Variants in MSH4 observed in about 807,000 individuals in gnomAD.
The protein encoded by MSH4 is mutS homolog 4.
MSH4 carries 106 observed loss-of-function variants against 113.7 expected under a neutral mutation model. The ratio of observed to expected loss-of-function variants is 0.93; its 90% CI spans 0.80 to 1.10. The LOEUF is 1.10. Ranked by LOEUF, MSH4 falls within the 50% of genes least tolerant of loss-of-function variation. The pLI, the probability that MSH4 is intolerant of heterozygous loss-of-function variation, is 0.00. For synonymous variants in MSH4, 368 were observed against 380.2 expected, an observed-to-expected ratio of 0.97 and a Z score of 0.37; for missense variants, 1,061 against 1,093.7, an observed-to-expected ratio of 0.97 and a Z score of 0.42.
Position 75,803,798 on chromosome 1 carries a change from A to G in MSH4, c.312A>G (p.Ala104=). ...NTVASNFTFG[A]SSSSARDTNY... ...TTGCATCAAATTTTACTTTTGGTGCAAGCTCATCTTCTGCACGAGATACTA... is the reference window on the plus strand; with the variant it reads ...TTGCATCAAATTTTACTTTTGGTGCGAGCTCATCTTCTGCACGAGATACTA... The change falls in exon 2 of 20, where the codon GCA becomes GCG. Residue 104 remains alanine (A), a synonymous_variant. Coordinates refer to ENST00000263187, the MANE Select transcript of MSH4 (RefSeq NM_002440.4). 2 of 1,607,706 alleles carry G rather than the reference A, an allele frequency of 1.2e-6. No homozygotes were observed. The highest frequency in any genetic ancestry group is 1.7e-6 in the Non-Finnish European group (2 of 1,177,810).
intron 7 of MSH4, among the ~76,000 whole-genome samples, chr1:75,835,297 C>A (rs983472185): frequency 6.6e-6 from 1 of 152,042 alleles, no homozygotes; most frequent in Non-Finnish European, 1.5e-5. Flanking sequence ...CCAGTATATT[C>A]TTTTTTAAAT....
intron 8 of MSH4, among the ~76,000 whole-genome samples, chr1:75,854,234 A>G (rs936855130): frequency 6.6e-6 from 1 of 151,658 alleles, no homozygotes; most frequent in African/African-American, 2.4e-5. Flanking sequence ...AGTCTTCATT[A>G]TTCTTAATAT....
chr1:75,894,725 G>C (rs1652333363), intron 17 of MSH4, among the ~76,000 whole-genome samples: 1 of 152,192 alleles, frequency 6.6e-6, no homozygotes, highest in Non-Finnish European at 1.5e-5. Flanking sequence ...ATGCAGTGCT[G>C]CAAAGGGCCT....
intron 19 of MSH4, among the ~76,000 whole-genome samples, chr1:75,899,991 A>G (rs1259728966): frequency 6.6e-6 from 1 of 151,848 alleles, no homozygotes; most frequent in Non-Finnish European, 1.5e-5. Flanking sequence ...TGATGAGGAA[A>G]TAAATCTATT....
chr1:75,876,461 A>G (rs1651819840), intron 9 of MSH4, among the ~76,000 whole-genome samples: 1 of 152,042 alleles, frequency 6.6e-6, no homozygotes, highest in African/African-American at 2.4e-5. Context: ...TTTTCTGTTT[A>G]TTTAGTTAGT....
Position 75,803,755 on chromosome 1 carries a change from C to A in MSH4, c.269C>A (p.Ala90Asp). ...AQGSYFGNKR[A>D]YAENTVASNF... ...GGTTCATACTTTGGAAACAAAAGAGCTTATGCAGAAAACACAGTTGCATCA... is the reference window on the plus strand; with the variant it reads ...GGTTCATACTTTGGAAACAAAAGAGATTATGCAGAAAACACAGTTGCATCA... Residue 90 changes from alanine (A) to aspartate (D), a missense_variant, in exon 2 of 20, where the codon GCT (alanine) becomes GAT (aspartate). Transcript: ENST00000263187. The A allele has an allele frequency of 6.3e-7, 1 of 1,585,860 alleles. No homozygotes were observed. The highest frequency in any genetic ancestry group is 8.5e-7 in the Non-Finnish European group (1 of 1,170,648).
intron 9 of MSH4, among the ~76,000 whole-genome samples, chr1:75,875,002 C>G (rs1430037113): frequency 6.6e-6 from 1 of 152,136 alleles, no homozygotes; most frequent in Non-Finnish European, 1.5e-5. Flanking sequence ...AAGCCATCCT[C>G]CCACCTCAGC....
At position 75,798,467 on chromosome 1, in the gene MSH4, C is replaced by T. The variant is rs79283130; in HGVS notation, c.244+1238C>T. 9.0e-3 allele frequency among the ~76,000 whole-genome samples: 1,375 copies of T among 152,238 alleles called. 15 individuals carry two copies. Among genetic ancestry groups the T allele is most frequent in the African/African-American group, 0.032 (1,319 of 41,530 alleles). On this transcript the variant is annotated intron_variant, in intron 1 of 19. Coordinates refer to ENST00000263187, the MANE Select transcript of MSH4 (RefSeq NM_002440.4). ...CACAGCTCAGATCTCATCTACACTC[C>T]AGACTTACTTCAGACTGTCTTCTGA...
intron 7 of MSH4, among the ~76,000 whole-genome samples, chr1:75,845,727 G>T (rs547740701): frequency 6.6e-6 from 1 of 152,056 alleles, no homozygotes; most frequent in Non-Finnish European, 1.5e-5. Context: ...GGGGAGGTAG[G>T]GGGTGATTAC....
chr1:75,802,104 G>A (rs1215251722), intron 1 of MSH4, among the ~76,000 whole-genome samples: 1 of 152,196 alleles, frequency 6.6e-6, no homozygotes, highest in Non-Finnish European at 1.5e-5. Flanking sequence ...AGGAGTTCAA[G>A]GCTGCATTTA....
intron 6 of MSH4, among the ~76,000 whole-genome samples, chr1:75,819,095 C>G (rs1431717772): frequency 6.6e-6 from 1 of 151,910 alleles, no homozygotes; most frequent in Non-Finnish European, 1.5e-5. Context: ...TGTTTCTGTA[C>G]CTAAAATTAT....
At chr1:75,840,323 G>A (rs1321876177) in intron 7 of MSH4, among the ~76,000 whole-genome samples, 5 of 144,146 alleles carry the variant, frequency 3.5e-5, no homozygotes, top group Non-Finnish European at 6.0e-5. Flanking sequence ...TATACACCAC[G>A]GAATACTGTG....
chr1:75,875,334 G>A (rs966433365), intron 9 of MSH4, among the ~76,000 whole-genome samples: 2 of 152,138 alleles, frequency 1.3e-5, no homozygotes, highest in African/African-American at 2.4e-5. Flanking sequence ...CAGAAAAAAC[G>A]CCTACAGATA....
chr1:75,826,346 C>A (rs755299552), intron 7 of MSH4, among the ~76,000 whole-genome samples: 4 of 152,000 alleles, frequency 2.6e-5, no homozygotes, highest in Non-Finnish European at 5.9e-5. Context: ...CTATTTGATT[C>A]TTCTCCCTTT....
Position 75,797,187 on chromosome 1 carries a change from A to G in MSH4, c.202A>G (p.Ser68Gly), listed in dbSNP as rs1165314841. 1 of 1,609,390 alleles carries G rather than the reference A, an allele frequency of 6.2e-7. No individual in the cohort carries two copies. The highest frequency in any genetic ancestry group is 1.1e-5 in the South Asian group (1 of 90,480). ...GAAGDRSSSS[S>G]SLPCPAPNSR... ...TGCGGGCGACCGGAGCAGCAGCAGC[A>G]GCAGCCTTCCCTGCCCCGCGCCAAA... The change falls in exon 1 of 20, where the codon AGC (serine) becomes GGC (glycine). Residue 68 changes from serine (S) to glycine (G), a missense_variant. By Grantham distance (56) the Ser-to-Gly change is moderately conservative. Coordinates refer to ENST00000263187, the MANE Select transcript of MSH4 (RefSeq NM_002440.4).
At chr1:75,836,302 C>CTTTTTTTTTTTT (rs71071968) in intron 7 of MSH4, among the ~76,000 whole-genome samples, 4 of 135,942 alleles carry the variant, frequency 2.9e-5, no homozygotes, top group Non-Finnish European at 4.6e-5. Context: ...CTTTCTTTTT[C>CTTTTTTTTTTTT]TTTTTTTTTT....
Position 75,878,997 on chromosome 1 carries a change from AT to A in MSH4, c.1547del (p.Ile516AsnfsTer12). On this transcript the variant is annotated frameshift_variant, in exon 12 of 20. Coordinates refer to ENST00000263187, the MANE Select transcript of MSH4 (RefSeq NM_002440.4). LOFTEE classifies it high-confidence loss of function. ...TTCTTGTTTCTGGTCACCAGGAATG[AT>A]ATCACAACTTGGAGAAAAATATAGT... ...TEIVDDIAGM[I>X]SQLGEKYSLP... The A allele has an allele frequency of 6.2e-7, 1 of 1,605,512 alleles. No individual in the cohort carries two copies. The highest frequency in any genetic ancestry group is 8.5e-7 in the Non-Finnish European group (1 of 1,175,078).
rs141042002 is a variant in MSH4 at position 75,848,275 on chromosome 1, C to A, written c.1229C>A (p.Thr410Lys). ...TTAGTCCAAATTCCAAAGCAAGACA[C>A]GGTATGTTTTTGTATACATTTTGTA... ...SVLVQIPKQD[T>K]VNAAESKITN... is the part of the protein sequence containing the mutation. Residue 410 changes from threonine (T) to lysine (K), a missense_variant and splice_region_variant, in exon 8 of 20, where the codon ACG becomes AAG. Transcript: ENST00000263187. 1 of 1,591,362 alleles carries A rather than the reference C, an allele frequency of 6.3e-7. No individual in the cohort carries two copies. Among genetic ancestry groups the A allele is most frequent in the Admixed American group, 1.7e-5 (1 of 59,700 alleles).
At chr1:75,804,999 G>T (rs1358988259) in intron 2 of MSH4, among the ~76,000 whole-genome samples, 2 of 150,448 alleles carry the variant, frequency 1.3e-5, no homozygotes, top group African/African-American at 4.9e-5. Context: ...GGCTAATTTT[G>T]TATTTTTAGT....
Sources: gnomAD v4.1 joint callset for allele counts (sites outside exome capture counted in the v4.1 genomes callset) on GRCh38, gnomAD v4.1.1 for gene constraint, MANE v1.5 for transcripts, NCBI Gene and HGNC (gene_info 2026-07-23, HGNC 2026-07-21) for gene names.